NAALADL2: variants seen among roughly 807,000 people sequenced by gnomAD.
The protein encoded by NAALADL2 is inactive N-acetylated-alpha-linked acidic dipeptidase-like protein 2.
A neutral mutation model predicts 87.2 loss-of-function variants in NAALADL2; 76 were observed. That is an observed-to-expected ratio of 0.87 (90% confidence interval 0.72 to 1.05). The LOEUF (loss-of-function observed/expected upper bound fraction) is 1.05. Among genes scored for constraint, NAALADL2 ranks in the 50% least tolerant of loss-of-function variants. The pLI is 0.00. For missense variants in NAALADL2, 1,089 were observed against 945.8 expected, an observed-to-expected ratio of 1.15 and a Z score of -1.99; for synonymous variants, 354 against 331.0, an observed-to-expected ratio of 1.07 and a Z score of -0.75.
intron 2 of NAALADL2, among the ~76,000 whole-genome samples, chr3:175,106,976 A>G (rs181646528): frequency 2.8e-4 from 42 of 152,184 alleles, no homozygotes; most frequent in African/African-American, 9.1e-4. Context: ...ATTTCTAGCT[A>G]ACGAGAGAGA....
At position 175,627,300 on chromosome 3, in the gene NAALADL2, T is replaced by G; in HGVS notation, c.1810T>G (p.Phe604Val). ...TTTTGATTTGCCGCAGGGTCCAAGT[T>G]TTCTCTCCGAGGCCCGTTTTTCTAC... ...EDIKTLEGPSFLSEARFSTRA... is the reference protein window; with the variant it reads ...EDIKTLEGPSVLSEARFSTRA... Residue 604 changes from phenylalanine to valine, a missense_variant, in exon 11 of 14, where the codon TTT becomes GTT. Physicochemically the swap from Phe to Val is conservative, Grantham distance 50. Transcript: ENST00000454872. The G allele has an allele frequency of 6.4e-7, 1 of 1,564,074 alleles. No individual in the cohort carries two copies. The highest frequency in any genetic ancestry group is 8.7e-7 in the Non-Finnish European group (1 of 1,152,102).
intron 5 of NAALADL2, 109 bp from the exon 6 acceptor site, chr3:175,447,120 A>C: frequency 1.5e-6 from 1 of 660,022 alleles, no homozygotes; most frequent in Non-Finnish European, 2.5e-6. Context: ...CAAGTGAATG[A>C]ATATAAACTT....
At chr3:175,536,325 C>A (rs981650278) in intron 9 of NAALADL2, among the ~76,000 whole-genome samples, 1 of 152,030 alleles carries the variant, frequency 6.6e-6, no homozygotes, top group African/African-American at 2.4e-5. Flanking sequence ...TTGGTAGTTG[C>A]CATTTAGTAG....
chr3:175,356,014 G>T (rs1429500121), intron 5 of NAALADL2, among the ~76,000 whole-genome samples: 2 of 152,084 alleles, frequency 1.3e-5, no homozygotes, highest in African/African-American at 4.8e-5. Flanking sequence ...CCAGCTTGGA[G>T]TGAAAACTCC....
intron 5 of NAALADL2, among the ~76,000 whole-genome samples, chr3:175,418,624 G>A (rs1715092401): frequency 6.6e-6 from 1 of 152,058 alleles, no homozygotes; most frequent in African/African-American, 2.4e-5. Context: ...AAGATGGCAT[G>A]CCAGCCTTCA....
intron 2 of NAALADL2, among the ~76,000 whole-genome samples, chr3:175,148,636 G>C (rs1731121379): frequency 6.6e-6 from 1 of 151,936 alleles, no homozygotes; most frequent in South Asian, 2.1e-4. Flanking sequence ...GAAAGGTAGG[G>C]GTCCACTTTC....
rs375697177 is a variant in NAALADL2 at position 174,645,088 on chromosome 3, TG to T, written c.-114-92552del. On this transcript the variant is annotated intron_variant, in intron 2 of 3. Transcript: ENST00000434257. ...GCAAGGGCAGCCCTTGGCCATTTCCTGATTGCAGAGAAAACAGCTCCCGGTC... is the reference window on the plus strand; with the variant it reads ...GCAAGGGCAGCCCTTGGCCATTTCCTATTGCAGAGAAAACAGCTCCCGGTC... Among the ~76,000 whole-genome samples the T allele has an allele frequency of 4.7e-3, 711 of 152,242 alleles. 5 individuals carry two copies. The highest frequency in any genetic ancestry group is 0.017 in the African/African-American group (691 of 41,544).
At chr3:175,527,915 C>T (rs1733626611) in intron 9 of NAALADL2, among the ~76,000 whole-genome samples, 1 of 152,134 alleles carries the variant, frequency 6.6e-6, no homozygotes, top group Non-Finnish European at 1.5e-5. Flanking sequence ...TCTGGGACCA[C>T]TTACCATGAT....
intron 2 of NAALADL2, among the ~76,000 whole-genome samples, chr3:174,652,845 A>G (rs1221305770): frequency 1.3e-5 from 2 of 152,228 alleles, no homozygotes; most frequent in African/African-American, 4.8e-5. Flanking sequence ...GCACATAGAT[A>G]TCAAATATAA....
At chr3:175,787,313 T>G (rs532115742) in intron 13 of NAALADL2, among the ~76,000 whole-genome samples, 1 of 151,142 alleles carries the variant, frequency 6.6e-6, no homozygotes, top group Non-Finnish European at 1.5e-5. Flanking sequence ...CCCCCAGCCT[T>G]CCTGCTGCCT....
At chr3:174,961,677 T>C (rs1742021156) in intron 1 of NAALADL2, among the ~76,000 whole-genome samples, 1 of 152,012 alleles carries the variant, frequency 6.6e-6, no homozygotes, top group Non-Finnish European at 1.5e-5. Context: ...AGGATTATAG[T>C]CTTGTGTATT....
At chr3:175,164,858 T>C (rs920529558) in intron 2 of NAALADL2, among the ~76,000 whole-genome samples, 1 of 152,170 alleles carries the variant, frequency 6.6e-6, no homozygotes, top group African/African-American at 2.4e-5. Context: ...TCTGCATGAC[T>C]TACTCCCTGA....
At chr3:175,311,852 G>A (rs1034911408) in intron 4 of NAALADL2, among the ~76,000 whole-genome samples, 2 of 151,988 alleles carry the variant, frequency 1.3e-5, no homozygotes, top group African/African-American at 4.8e-5. Context: ...AAAAGCAGGA[G>A]GTCATTGCTT....
chr3:174,946,775 A>G (rs1036474402), intron 1 of NAALADL2, among the ~76,000 whole-genome samples: 2 of 152,162 alleles, frequency 1.3e-5, no homozygotes, highest in Admixed American at 6.5e-5. Flanking sequence ...TTAGGAGTAT[A>G]CTTAGGTCTC....
At chr3:174,585,473 T>C (rs1465889459) in intron 2 of NAALADL2, among the ~76,000 whole-genome samples, 1 of 152,208 alleles carries the variant, frequency 6.6e-6, no homozygotes, top group Non-Finnish European at 1.5e-5. Context: ...ATTTTTCTTC[T>C]ACCCTGTAAG....
chr3:175,427,911 A>G (rs900561499), intron 5 of NAALADL2, among the ~76,000 whole-genome samples: 2 of 152,138 alleles, frequency 1.3e-5, no homozygotes, highest in Admixed American at 1.3e-4. Context: ...AGTTGTAGAA[A>G]CGTTGACATA....
chr3:175,616,110 C>T (rs4459914), intron 10 of NAALADL2, among the ~76,000 whole-genome samples: 1 of 146,156 alleles, frequency 6.8e-6, no homozygotes, highest in Non-Finnish European at 1.5e-5. Context: ...GAATATTTAT[C>T]GTATATATCA....
chr3:175,537,710 A>T (rs1711529542), intron 9 of NAALADL2, among the ~76,000 whole-genome samples: 1 of 152,188 alleles, frequency 6.6e-6, no homozygotes, highest in African/African-American at 2.4e-5. Flanking sequence ...ACATTGTCAT[A>T]TGTCAGGCAT....
At chr3:175,150,211 C>G (rs1731344294) in intron 2 of NAALADL2, among the ~76,000 whole-genome samples, 1 of 152,212 alleles carries the variant, frequency 6.6e-6, no homozygotes, top group Admixed American at 6.6e-5. Context: ...TTTGTTGCCT[C>G]AGTTTTTCTG....
Sources: gnomAD v4.1 joint callset for allele counts (sites outside exome capture counted in the v4.1 genomes callset) on GRCh38, gnomAD v4.1.1 for gene constraint, MANE v1.5 for transcripts, NCBI Gene and HGNC (gene_info 2026-07-23, HGNC 2026-07-21) for gene names.